PHYH: variants seen among roughly 807,000 people sequenced by gnomAD.
PHYH encodes the protein phytanoyl-CoA 2-hydroxylase.
PHYH carries 32 observed loss-of-function variants against 38.5 expected under a neutral mutation model. The ratio of observed to expected loss-of-function variants is 0.83; its 90% confidence interval spans 0.63 to 1.12. PHYH has a LOEUF of 1.12. Among genes scored for constraint, PHYH ranks in the 50% most tolerant of loss-of-function variants. The pLI is 0.00. For missense variants in PHYH, 426 were observed against 434.8 expected (o/e 0.98, Z 0.18); for synonymous variants, 166 against 157.9 (o/e 1.05, Z -0.38).
intron 2 of PHYH, among the ~76,000 whole-genome samples, chr10:13,297,959 A>T (rs1832611047): frequency 6.6e-6 from 1 of 151,870 alleles, no homozygotes; most frequent in African/African-American, 2.4e-5. Context: ...ATGTCGGATT[A>T]TGTATTTTCT....
chr10:13,284,875 G>A (rs1835508019), intron 6 of PHYH, among the ~76,000 whole-genome samples: 1 of 152,100 alleles, frequency 6.6e-6, no homozygotes, highest in Non-Finnish European at 1.5e-5. Flanking sequence ...CTCTTAGACA[G>A]TGCTGAGACT....
In PHYH at chr10:13,278,926, G is replaced by T. The variant is rs1835352465; in HGVS notation, c.964-572C>A. Among the ~76,000 whole-genome samples the T allele has an allele frequency of 2.0e-5, 3 of 152,306 alleles. No homozygotes were observed. The South Asian group carries it at 6.2e-4, about 32-fold the overall frequency. On this transcript the variant is annotated intron_variant, in intron 8 of 8. Coordinates refer to ENST00000263038, the MANE Select transcript of PHYH (RefSeq NM_006214.4). ...CAGTTCTGTTTTATTCAGGATATTTGTTGGTGCCAGCTAACATAACTGGGT... is the reference window on the plus strand; with the variant it reads ...CAGTTCTGTTTTATTCAGGATATTTTTTGGTGCCAGCTAACATAACTGGGT...
chr10:13,288,678 T>C, intron 5 of PHYH, 137 bp from the exon 6 acceptor site: 1 of 770,198 alleles, frequency 1.3e-6, no homozygotes, highest in South Asian at 1.5e-5. Context: ...AGCCTGGGAG[T>C]TCAAAACCAT....
At chr10:13,299,892 C>T (rs755166559) in intron 1 of PHYH, 76 bp downstream of exon 1, 32 of 1,462,050 alleles carry the variant, frequency 2.2e-5, no homozygotes, top group Non-Finnish European at 2.9e-5. Flanking sequence ...GAGGCCTCCA[C>T]CCGGACCAGG....
intron 5 of PHYH, among the ~76,000 whole-genome samples, chr10:13,289,315 C>T (rs4750343): frequency 0.27 from 40,854 of 151,804 alleles, 5,581 homozygotes; most frequent in South Asian, 0.35. Flanking sequence ...CCTGCCTCAG[C>T]CTCCCGAGTA....
At chr10:13,289,386 G>A (rs4748025) in intron 5 of PHYH, among the ~76,000 whole-genome samples, 5 of 151,430 alleles carry the variant, frequency 3.3e-5, no homozygotes, top group African/African-American at 1.2e-4. Flanking sequence ...TAGTAGAGAC[G>A]GGGTTTCACT....
At chr10:13,289,756 A>G (rs1297937952) in intron 5 of PHYH, among the ~76,000 whole-genome samples, 4 of 150,496 alleles carry the variant, frequency 2.7e-5, no homozygotes, top group East Asian at 2.0e-4. Context: ...ACATGATGAA[A>G]CCTCGTCTCT....
chr10:13,289,325 A>G (rs1275899186), intron 5 of PHYH, among the ~76,000 whole-genome samples: 1 of 152,016 alleles, frequency 6.6e-6, no homozygotes. Flanking sequence ...CCTCCCGAGT[A>G]GCTGGGACTA....
chr10:13,286,317 C>T (rs1835548792), intron 6 of PHYH, among the ~76,000 whole-genome samples: 1 of 152,134 alleles, frequency 6.6e-6, no homozygotes, highest in Non-Finnish European at 1.5e-5. Flanking sequence ...CACTCATGAG[C>T]TCAAATGCAT....
At chr10:13,296,872 T>C (rs990606330) in intron 2 of PHYH, among the ~76,000 whole-genome samples, 1 of 149,962 alleles carries the variant, frequency 6.7e-6, no homozygotes. Context: ...GAGAATGGCG[T>C]GAACCCGGGA....
chr10:13,290,039 C>T (rs775200780), intron 5 of PHYH, among the ~76,000 whole-genome samples: 14 of 145,620 alleles, frequency 9.6e-5, no homozygotes, highest in Non-Finnish European at 1.5e-4. Flanking sequence ...GAGGCTGAGC[C>T]GGGTAGATTG....
At chr10:13,283,418 C>T (rs188158823) in intron 7 of PHYH, among the ~76,000 whole-genome samples, 151 of 152,152 alleles carry the variant, frequency 9.9e-4, no homozygotes, top group African/African-American at 3.4e-3. Context: ...CATGAGCCAC[C>T]GCGCCCGGCC....
intron 6 of PHYH, among the ~76,000 whole-genome samples, chr10:13,285,493 GT>G (rs1280367720): frequency 6.6e-6 from 1 of 151,990 alleles, no homozygotes; most frequent in East Asian, 1.9e-4. Flanking sequence ...CGAGTTAGGA[GT>G]TCCTAAAACC....
intron 6 of PHYH, among the ~76,000 whole-genome samples, chr10:13,284,312 ACT>A (rs1032099920): frequency 2.0e-5 from 3 of 151,990 alleles, no homozygotes; most frequent in Non-Finnish European, 4.4e-5. Context: ...ACAGAGCAAG[ACT>A]CTGTCTCGAA....
chr10:13,287,733 C>T (rs1588510401), intron 6 of PHYH, among the ~76,000 whole-genome samples: 2 of 152,232 alleles, frequency 1.3e-5, no homozygotes, highest in African/African-American at 4.8e-5. Context: ...TCCTTCCTTA[C>T]TCTGAGAGCC....
At chr10:13,294,661 C>T (rs980170014) in intron 3 of PHYH, 65 bp from the exon 4 acceptor site, 6 of 1,432,350 alleles carry the variant, frequency 4.2e-6, no homozygotes, top group Admixed American at 3.4e-5. Flanking sequence ...CTGCCCTCCT[C>T]TGTGGAAAGG....
chr10:13,287,240 G>A (rs1397435653), intron 6 of PHYH, among the ~76,000 whole-genome samples: 1 of 152,084 alleles, frequency 6.6e-6, no homozygotes, highest in Non-Finnish European at 1.5e-5. Flanking sequence ...TCGGGAGTCT[G>A]AGGCAGGAGA....
rs902776365 is a variant in PHYH at position 13,281,114 on chromosome 10, T to C, written c.829-4A>G. On this transcript the variant is annotated splice_polypyrimidine_tract_variant and splice_region_variant and intron_variant, in intron 7 of 8. Coordinates refer to ENST00000263038, the MANE Select transcript of PHYH (RefSeq NM_006214.4). Reference sequence around the variant, plus strand: ...TGGCGAAATGGCAGGAAATTGCCTGTGCAAAGTGAACAAATTGATATTGGA... The same window carrying C: ...TGGCGAAATGGCAGGAAATTGCCTGCGCAAAGTGAACAAATTGATATTGGA... The C allele has an allele frequency of 3.1e-6, 5 of 1,614,028 alleles. No homozygotes were observed. In the African/African-American group the frequency reaches 4.0e-5, roughly 13 times the overall value.
chr10:13,291,996 A>G (rs1302875393), intron 4 of PHYH, 84 bp from the exon 5 acceptor site: 2 of 906,538 alleles, frequency 2.2e-6, no homozygotes, highest in East Asian at 4.9e-5. Context: ...GTAGCTATCC[A>G]CACAAGAACC....
Sources: gnomAD v4.1 joint callset for allele counts (sites outside exome capture counted in the v4.1 genomes callset) on GRCh38, gnomAD v4.1.1 for gene constraint, MANE v1.5 for transcripts, NCBI Gene and HGNC (gene_info 2026-07-23, HGNC 2026-07-21) for gene names.